The following LONP2 variants were observed in gnomAD, a reference collection of about 807,000 sequenced individuals.
LONP2 encodes lon peptidase 2, peroxisomal, also known as lon protease homolog 2, peroxisomal.
In LONP2, 60 loss-of-function variants were observed where a neutral mutation model predicts 85.6. That is an observed-to-expected ratio of 0.70 (90% CI 0.57 to 0.87). LONP2 has a LOEUF of 0.87. LONP2 is among the 40% of genes least tolerant of loss of function. The pLI, the probability that LONP2 is intolerant of heterozygous loss-of-function variation, is 0.00. For missense variants in LONP2, 860 were observed against 1,063.5 expected (o/e 0.81, Z 2.66); for synonymous variants, 395 against 389.7 (o/e 1.01, Z -0.16).
Position 48,244,454 on chromosome 16 carries a change from C to A in LONP2, c.66C>A (p.Val22=). 1 of 1,596,462 alleles carries A rather than the reference C, an allele frequency of 6.3e-7. No individual in the cohort carries two copies. Among genetic ancestry groups the A allele is most frequent in the Non-Finnish European group, 8.5e-7 (1 of 1,175,760 alleles). The change falls in exon 1 of 15, where the codon GTC becomes GTA. Residue 22 remains valine (V), a synonymous_variant. Transcript: ENST00000285737. The part of the protein sequence containing the change: ...RLPLLLTHEG[V]LLPGSTMRTS... ...CGCTGCTGCTCACCCACGAGGGCGT[C>A]CTGCTGCCCGGCTCCACCATGCGCA... is the stretch of plus-strand genomic sequence containing the variant.
In LONP2 at chr16:48,355,690, A is replaced by C. The variant is rs746728279; in HGVS notation, c.*3888A>C. 6.6e-6 allele frequency: 1 copy of C among 152,136 alleles called. No individual in the cohort carries two copies. Among genetic ancestry groups the C allele is most frequent in the Non-Finnish European group, 1.5e-5 (1 of 68,020 alleles). 9.4% of individuals were successfully genotyped at this position (152,136 alleles called of 1,614,324 possible). A position where few individuals can be genotyped will look rare whatever the true frequency, so the allele number is the denominator to read the frequency against. On this transcript the variant is annotated 3_prime_UTR_variant, in exon 15 of 15. Coordinates refer to ENST00000285737, the MANE Select transcript of LONP2 (RefSeq NM_031490.5). ...AGCACTCATTTTCTGGGTTTTTTAT[A>C]ATAGCCCTCCAAATGGGTGTGACGT...
At chr16:48,291,702 G>A (rs544321767) in intron 8 of LONP2, among the ~76,000 whole-genome samples, 5 of 152,198 alleles carry the variant, frequency 3.3e-5, no homozygotes, top group South Asian at 4.1e-4. Flanking sequence ...CTGAAGTTAG[G>A]GTAAGAAGAT....
intron 11 of LONP2, among the ~76,000 whole-genome samples, chr16:48,329,421 T>C (rs1208352304): frequency 1.3e-5 from 2 of 152,156 alleles, no homozygotes; most frequent in African/African-American, 4.8e-5. Flanking sequence ...AGATCAACTG[T>C]CTTGGTTTCA....
intron 7 of LONP2, among the ~76,000 whole-genome samples, chr16:48,276,422 G>C (rs1039126783): frequency 1.9e-4 from 29 of 152,158 alleles, no homozygotes; most frequent in African/African-American, 6.8e-4. Context: ...CGGCAGTCAG[G>C]CTTTTATGCC....
intron 6 of LONP2, among the ~76,000 whole-genome samples, chr16:48,263,079 GTA>G (rs1487669775): frequency 1.3e-5 from 2 of 152,118 alleles, no homozygotes; most frequent in Non-Finnish European, 2.9e-5. Flanking sequence ...TTCAGAATAA[GTA>G]TACACCCATG....
intron 11 of LONP2, among the ~76,000 whole-genome samples, chr16:48,321,876 A>G (rs997235856): frequency 6.6e-6 from 1 of 152,058 alleles, no homozygotes; most frequent in Non-Finnish European, 1.5e-5. Flanking sequence ...AGCCTAGGAC[A>G]TTACTGTGTA....
At chr16:48,261,971 C>T (rs1340888419) in intron 5 of LONP2, among the ~76,000 whole-genome samples, 2 of 152,098 alleles carry the variant, frequency 1.3e-5, no homozygotes, top group African/African-American at 4.8e-5. Context: ...AACTGAAAGC[C>T]ATTTTTCCTT....
At chr16:48,316,804 A>G (rs879542269) in intron 11 of LONP2, among the ~76,000 whole-genome samples, 15 of 151,772 alleles carry the variant, frequency 9.9e-5, no homozygotes, top group Admixed American at 5.2e-4. Context: ...TTTTGTTTGT[A>G]TTACCTTTTT....
intron 8 of LONP2, among the ~76,000 whole-genome samples, chr16:48,286,150 T>C (rs906963127): frequency 6.6e-6 from 1 of 151,494 alleles, no homozygotes; most frequent in African/African-American, 2.4e-5. Flanking sequence ...ATCTTTTTTT[T>C]TTTTTTTTTG....
chr16:48,322,805 T>C (rs1266238192), intron 11 of LONP2, among the ~76,000 whole-genome samples: 1 of 152,242 alleles, frequency 6.6e-6, no homozygotes, highest in Non-Finnish European at 1.5e-5. Flanking sequence ...TGAAGTATTA[T>C]GTACTGTATG....
In LONP2 at chr16:48,315,160, G is replaced by A. The variant is rs367571969; in HGVS notation, c.1795+11855G>A. On this transcript the variant is annotated intron_variant, in intron 11 of 14. Transcript: ENST00000285737. Reference sequence around the variant, plus strand: ...ACCTAATATTATAAAATGACAATTCGGTAGGATTCTCAGAAACTGTCCAGT... The same window carrying A: ...ACCTAATATTATAAAATGACAATTCAGTAGGATTCTCAGAAACTGTCCAGT... Among the ~76,000 whole-genome samples the A allele has an allele frequency of 2.9e-4, 44 of 152,198 alleles. No homozygotes were observed. The East Asian group carries it at 4.6e-3, about 16-fold the overall frequency.
At chr16:48,330,727 C>T (rs1220071889) in intron 11 of LONP2, among the ~76,000 whole-genome samples, 2 of 152,216 alleles carry the variant, frequency 1.3e-5, no homozygotes, top group Admixed American at 6.5e-5. Context: ...AGTTGGCTGA[C>T]ACCATTTTCT....
chr16:48,347,701 C>T lies in LONP2; in HGVS notation c.2133C>T (p.Tyr711=), dbSNP rs779703568. The T allele has an allele frequency of 6.2e-7, 1 of 1,613,064 alleles. No individual in the cohort carries two copies. Reference sequence around the variant, plus strand: ...GGCTCCGCAGCAACGCAAAGAAGTACCAGCTGACCAATGGTAGGAGCCTGC... The same window carrying T: ...GGCTCCGCAGCAACGCAAAGAAGTATCAGCTGACCAATGGTAGGAGCCTGC... ...ISWLRSNAKK[Y]QLTNAFGSFD... Residue 711 remains tyrosine (Y), a synonymous_variant, in exon 13 of 15, where the codon TAC becomes TAT. Transcript: ENST00000285737.
chr16:48,316,180 T>G (rs1436731233), intron 11 of LONP2, among the ~76,000 whole-genome samples: 1 of 151,470 alleles, frequency 6.6e-6, no homozygotes, highest in Non-Finnish European at 1.5e-5. Flanking sequence ...GCTAATTTTG[T>G]ATTTTTAGTA....
At chr16:48,285,310 T>A in intron 8 of LONP2, among the ~76,000 whole-genome samples, 1 of 152,186 alleles carries the variant, frequency 6.6e-6, no homozygotes, top group African/African-American at 2.4e-5. Context: ...ATTGACTGTG[T>A]TTATGTGTGA....
chr16:48,344,549 C>T (rs1369976004), intron 12 of LONP2: 1 of 152,160 alleles, frequency 6.6e-6, no homozygotes, highest in Admixed American at 6.5e-5. Context: ...TTGCTTCTAC[C>T]CAAAGTACCA....
intron 8 of LONP2, among the ~76,000 whole-genome samples, chr16:48,290,983 TC>T (rs1972547846): frequency 6.6e-6 from 1 of 152,208 alleles, no homozygotes; most frequent in Admixed American, 6.5e-5. Flanking sequence ...ATGATACTTA[TC>T]ACTTTGGTGA....
Position 48,299,747 on chromosome 16 carries a change from G to T in LONP2, c.1620G>T (p.Gln540His), listed in dbSNP as rs924106911. 3.7e-6 allele frequency: 6 copies of T among 1,613,936 alleles called. No homozygotes were observed. The highest frequency in any genetic ancestry group is 2.2e-5 in the East Asian group (1 of 44,900). Residue 540 changes from glutamine to histidine, a missense_variant, in exon 10 of 15, where the codon CAG becomes CAT. Gln to His is a conservative substitution (Grantham distance 24). This residue lies in a region of LONP2 where 743 missense variants were observed against 917.3 expected (regional missense o/e 0.81). Coordinates refer to ENST00000285737, the MANE Select transcript of LONP2 (RefSeq NM_031490.5). ...AACAACATGGGCTGACTCCACAGCAGATTCAGATACCCCAGGTCACCACTC... is the reference window on the plus strand; with the variant it reads ...AACAACATGGGCTGACTCCACAGCATATTCAGATACCCCAGGTCACCACTC... Reference protein sequence around the residue: ...QLEQHGLTPQQIQIPQVTTLD... With the variant: ...QLEQHGLTPQHIQIPQVTTLD...
intron 7 of LONP2, among the ~76,000 whole-genome samples, chr16:48,272,620 A>G (rs995056869): frequency 6.6e-6 from 1 of 152,196 alleles, no homozygotes; most frequent in Non-Finnish European, 1.5e-5. Context: ...AAACGTATAT[A>G]TGGAGGCTGT....
Sources: allele counts gnomAD v4.1 joint callset (sites outside exome capture counted in the v4.1 genomes callset), GRCh38; gene constraint gnomAD v4.1.1; regional missense constraint gnomAD v4.1.1; transcripts MANE v1.5; gene names NCBI Gene and HGNC (gene_info 2026-07-23, HGNC 2026-07-21).